The following SEMA3A variants were observed in gnomAD, a reference collection of about 807,000 sequenced individuals.
SEMA3A encodes the protein semaphorin 3A.
A neutral mutation model predicts 97.9 loss-of-function variants in SEMA3A; 29 were observed. The observed-to-expected ratio is 0.30, with a 90% CI of 0.22 to 0.40. SEMA3A has a LOEUF of 0.40. Ranked by LOEUF, SEMA3A falls within the 10% of genes least tolerant of loss-of-function variation. The pLI, the probability that SEMA3A is intolerant of heterozygous loss-of-function variation, is 1.00. For synonymous variants in SEMA3A, 321 were observed against 323.7 expected (o/e 0.99, Z 0.09); for missense variants, 763 against 951.3 (o/e 0.80, Z 2.60).
intron 1 of SEMA3A, among the ~76,000 whole-genome samples, chr7:84,432,371 T>C (rs1185447239): frequency 2.0e-5 from 3 of 151,982 alleles, no homozygotes; most frequent in Non-Finnish European, 4.4e-5. Context: ...TTCTCTTTAG[T>C]ACTACAATTA....
intron 1 of SEMA3A, among the ~76,000 whole-genome samples, chr7:84,463,429 T>A (rs1348132806): frequency 1.3e-5 from 2 of 151,850 alleles, no homozygotes; most frequent in African/African-American, 2.4e-5. Context: ...TTTGTATTTT[T>A]AGTAGAGACG....
chr7:84,003,977 TA>T (rs1260834643), intron 11 of SEMA3A, among the ~76,000 whole-genome samples: 1 of 152,112 alleles, frequency 6.6e-6, no homozygotes, highest in Non-Finnish European at 1.5e-5. Context: ...CCTGATAACA[TA>T]AGTATTTCAC....
At chr7:84,355,663 A>G (rs1802539730) in intron 2 of SEMA3A, among the ~76,000 whole-genome samples, 1 of 151,868 alleles carries the variant, frequency 6.6e-6, no homozygotes, top group Admixed American at 6.6e-5. Flanking sequence ...GTAATTTCTC[A>G]GTCTAATCTA....
At chr7:84,491,451 G>T (rs1309982137) in intron 1 of SEMA3A, among the ~76,000 whole-genome samples, 1 of 152,008 alleles carries the variant, frequency 6.6e-6, no homozygotes, top group African/African-American at 2.4e-5. Context: ...GATTAATTCA[G>T]AAATCATTAA....
chr7:84,274,579 A>G (rs1362238139), intron 3 of SEMA3A, among the ~76,000 whole-genome samples: 1 of 152,126 alleles, frequency 6.6e-6, no homozygotes, highest in Non-Finnish European at 1.5e-5. Context: ...TCTTCAAAAT[A>G]ACAGAAAATA....
At chr7:84,146,980 T>C (rs1314863014) in intron 1 of SEMA3A, among the ~76,000 whole-genome samples, 1 of 152,158 alleles carries the variant, frequency 6.6e-6, no homozygotes, top group Non-Finnish European at 1.5e-5. Context: ...ACAGTTGAAA[T>C]ATTAATTTTT....
chr7:84,270,056 T>C (rs1319894872), intron 3 of SEMA3A, among the ~76,000 whole-genome samples: 2 of 152,126 alleles, frequency 1.3e-5, no homozygotes, highest in Admixed American at 6.6e-5. Flanking sequence ...AATATTTAAA[T>C]GGAGAATATG....
At chr7:84,467,188 T>C (rs1350658742) in intron 1 of SEMA3A, among the ~76,000 whole-genome samples, 1 of 152,116 alleles carries the variant, frequency 6.6e-6, no homozygotes, top group Admixed American at 6.5e-5. Context: ...GAATTAAATA[T>C]ATTTTCCTAA....
intron 1 of SEMA3A, among the ~76,000 whole-genome samples, chr7:84,139,889 T>C (rs2116066753): frequency 6.6e-6 from 1 of 152,208 alleles, no homozygotes; most frequent in East Asian, 1.9e-4. Flanking sequence ...CCATATTTTA[T>C]AATGAGTCAA....
At chr7:84,137,838 A>G (rs1028212757) in intron 1 of SEMA3A, among the ~76,000 whole-genome samples, 1 of 152,158 alleles carries the variant, frequency 6.6e-6, no homozygotes, top group Non-Finnish European at 1.5e-5. Flanking sequence ...CTAAGCATCA[A>G]TTGGAAGAAG....
intron 1 of SEMA3A, among the ~76,000 whole-genome samples, chr7:84,153,865 A>G (rs932760289): frequency 1.3e-5 from 2 of 152,116 alleles, no homozygotes; most frequent in African/African-American, 4.8e-5. Context: ...CTATTTGCAT[A>G]TTAAGAACAA....
chr7:84,001,456 G>A (rs1463021159), intron 12 of SEMA3A, among the ~76,000 whole-genome samples: 4 of 151,916 alleles, frequency 2.6e-5, no homozygotes, highest in African/African-American at 9.7e-5. Context: ...TACTGTCAGT[G>A]ATACAAACCT....
At chr7:84,435,667 C>T (rs1805108569) in intron 1 of SEMA3A, among the ~76,000 whole-genome samples, 1 of 151,982 alleles carries the variant, frequency 6.6e-6, no homozygotes, top group African/African-American at 2.4e-5. Context: ...ATGAAAGAAA[C>T]AATAGATGAC....
At chr7:84,477,071 A>ATAT (rs1554394118) in intron 1 of SEMA3A, among the ~76,000 whole-genome samples, 15 of 124,954 alleles carry the variant, frequency 1.2e-4, no homozygotes, top group African/African-American at 3.8e-4. Context: ...TTAAAAAAAA[A>ATAT]AAATATATAT....
chr7:84,174,276 T>C (rs73179383), intron 1 of SEMA3A, among the ~76,000 whole-genome samples: 9,449 of 152,208 alleles, frequency 0.062, 510 homozygotes, highest in East Asian at 0.29. Flanking sequence ...GCCAAAAAGG[T>C]TGGGGACCAC....
At chr7:84,316,986 G>A (rs79064052) in intron 2 of SEMA3A, among the ~76,000 whole-genome samples, 64 of 150,916 alleles carry the variant, frequency 4.2e-4, no homozygotes, top group Non-Finnish European at 1.8e-4. Context: ...TTTTTTTTTC[G>A]CACATTAGGA....
chr7:84,033,049 T>A (rs1220461478), intron 6 of SEMA3A, among the ~76,000 whole-genome samples: 1 of 152,080 alleles, frequency 6.6e-6, no homozygotes, highest in Non-Finnish European at 1.5e-5. Flanking sequence ...GGGAAAAAAA[T>A]TGCAAATTAC....
intron 3 of SEMA3A, among the ~76,000 whole-genome samples, chr7:84,207,821 T>G (rs1173303504): frequency 6.6e-6 from 1 of 152,042 alleles, no homozygotes; most frequent in Non-Finnish European, 1.5e-5. Flanking sequence ...TCCCTGCAAT[T>G]GAGCTGCAAT....
At chr7:84,450,229 A>C (rs774683890) in intron 1 of SEMA3A, among the ~76,000 whole-genome samples, 5 of 152,020 alleles carry the variant, frequency 3.3e-5, no homozygotes, top group South Asian at 2.1e-4. Context: ...CATTCTCTCC[A>C]ACACTTCTCT....
Sources: gnomAD v4.1 joint callset for allele counts (sites outside exome capture counted in the v4.1 genomes callset) on GRCh38, gnomAD v4.1.1 for gene constraint, MANE v1.5 for transcripts, NCBI Gene and HGNC (gene_info 2026-07-23, HGNC 2026-07-21) for gene names.